Variants in FLACC1 observed in about 807,000 individuals in gnomAD.
FLACC1 encodes flagellum associated containing coiled-coil domains 1.
Under a neutral mutation model 62.8 loss-of-function variants are expected in FLACC1, and 66 were observed. That is an observed-to-expected ratio of 1.05 (90% CI 0.86 to 1.29). FLACC1 has a LOEUF of 1.29. FLACC1 is among the 50% of genes most tolerant of loss of function. FLACC1 has a pLI of 0.00. For synonymous variants in FLACC1, 156 were observed against 161.0 expected, an observed-to-expected ratio of 0.97 and a Z score of 0.24; for missense variants, 452 against 489.1, an observed-to-expected ratio of 0.92 and a Z score of 0.71.
intron 9 of FLACC1, among the ~76,000 whole-genome samples, chr2:201,329,018 G>A (rs1453884582): frequency 6.6e-6 from 1 of 151,984 alleles, no homozygotes; most frequent in Non-Finnish European, 1.5e-5. Context: ...ATTCTCTCCT[G>A]TCCCTTTGTA....
At chr2:201,347,184 C>T (rs1477701332) in intron 4 of FLACC1, among the ~76,000 whole-genome samples, 2 of 152,264 alleles carry the variant, frequency 1.3e-5, no homozygotes, top group African/African-American at 2.4e-5. Context: ...GTCATTTCCT[C>T]CTCCTTTTCC....
At chr2:201,330,704 T>C (rs1310017350) in intron 8 of FLACC1, 32 bp downstream of exon 8, 3 of 1,606,718 alleles carry the variant, frequency 1.9e-6, no homozygotes, top group South Asian at 1.1e-5. Context: ...TGGACCTTCA[T>C]CCAGGGTCAT....
At chr2:201,289,195 G>C (rs974110383) in intron 14 of FLACC1, among the ~76,000 whole-genome samples, 7 of 152,084 alleles carry the variant, frequency 4.6e-5, no homozygotes, top group Non-Finnish European at 1.0e-4. Flanking sequence ...CTCAGAAACT[G>C]GAAGACAAAT....
intron 9 of FLACC1, among the ~76,000 whole-genome samples, chr2:201,310,434 C>T (rs1293081400): frequency 1.3e-5 from 2 of 152,118 alleles, no homozygotes; most frequent in Admixed American, 6.6e-5. Flanking sequence ...AGTGCTAAAA[C>T]CTGGAAAGTC....
chr2:201,356,564 G>C (rs1951121469), intron 1 of FLACC1, among the ~76,000 whole-genome samples: 1 of 152,206 alleles, frequency 6.6e-6, no homozygotes, highest in Non-Finnish European at 1.5e-5. Flanking sequence ...CATCCTTCCA[G>C]AAATGTTGTG....
rs1950508171 is a variant in FLACC1, at chr2:201,326,822, G to A, written c.675+3648C>T. On this transcript the variant is annotated intron_variant, in intron 9 of 14. Transcript: ENST00000392257. This position sits in a 1 kb window ranked among gnomAD's most constrained non-coding sequence, Gnocchi z 4.1. ...TATTTTTCACAGAATTAGAAAAAAA[G>A]TTCTAAAATTCATATGGAACCAAAA... 6.6e-6 allele frequency among the ~76,000 whole-genome samples: 1 copy of A among 152,076 alleles called. No homozygotes were observed. Among genetic ancestry groups the A allele is most frequent in the East Asian group, 1.9e-4 (1 of 5,176 alleles).
chr2:201,297,481 T>C (rs1325230762), intron 12 of FLACC1, among the ~76,000 whole-genome samples: 1 of 152,112 alleles, frequency 6.6e-6, no homozygotes, highest in Non-Finnish European at 1.5e-5. Context: ...TGAGAAGGTG[T>C]GACCAATGAG....
intron 7 of FLACC1, among the ~76,000 whole-genome samples, chr2:201,336,153 T>C (rs1950692766): frequency 6.6e-6 from 1 of 152,128 alleles, no homozygotes; most frequent in Admixed American, 6.5e-5. Flanking sequence ...ACCCTCACTC[T>C]CCTCCCAACC....
chr2:201,312,914 G>A (rs1051793962), intron 9 of FLACC1, among the ~76,000 whole-genome samples: 1 of 152,236 alleles, frequency 6.6e-6, no homozygotes, highest in Non-Finnish European at 1.5e-5. Context: ...GTAGGAAAGG[G>A]GGATTGTCCA....
chr2:201,310,197 G>A (rs1452278438), intron 9 of FLACC1, among the ~76,000 whole-genome samples: 1 of 151,994 alleles, frequency 6.6e-6, no homozygotes, highest in Non-Finnish European at 1.5e-5. Flanking sequence ...ATTCACACCC[G>A]ACCTATTCTA....
chr2:201,313,910 A>G (rs890983186), intron 9 of FLACC1, among the ~76,000 whole-genome samples: 1 of 152,144 alleles, frequency 6.6e-6, no homozygotes, highest in African/African-American at 2.4e-5. Flanking sequence ...AACCCCCAAT[A>G]CCAGCCTGGA....
At chr2:201,348,346 A>C in intron 3 of FLACC1, 44 bp from the exon 4 acceptor site, 1 of 1,600,700 alleles carries the variant, frequency 6.2e-7, no homozygotes, top group South Asian at 1.1e-5. Flanking sequence ...GACAGCAAAG[A>C]GAAGTTCAAA....
At chr2:201,328,607 G>A (rs1178068430) in intron 9 of FLACC1, among the ~76,000 whole-genome samples, 3 of 152,120 alleles carry the variant, frequency 2.0e-5, no homozygotes, top group Non-Finnish European at 4.4e-5. Context: ...CGTATTTTCA[G>A]TAGAGACAGG....
intron 10 of FLACC1, 136 bp from the exon 11 acceptor site, chr2:201,307,758 C>A: frequency 1.4e-6 from 1 of 690,734 alleles, no homozygotes; most frequent in African/African-American, 1.8e-5. Context: ...GGTGTTTGGC[C>A]TCTGACACTC....
At chr2:201,351,062 C>T (rs1451605945) in intron 2 of FLACC1, among the ~76,000 whole-genome samples, 1 of 152,200 alleles carries the variant, frequency 6.6e-6, no homozygotes, top group South Asian at 2.1e-4. Flanking sequence ...TGCACTTTGC[C>T]GTTGCACCAA....
At position 201,346,944 on chromosome 2, in the gene FLACC1, C is replaced by T. The variant is rs571582074; in HGVS notation, c.235-269G>A. 6.6e-6 allele frequency among the ~76,000 whole-genome samples: 1 copy of T among 152,322 alleles called. No individual in the cohort carries two copies. Among genetic ancestry groups the T allele is most frequent in the African/African-American group, 2.4e-5 (1 of 41,570 alleles). Reference sequence around the variant, plus strand: ...TGCCCCTGCCCCCGACTTGTGTTCACCCTCGTGGCCAGAGCCCAGAGGAGG... The same window carrying T: ...TGCCCCTGCCCCCGACTTGTGTTCATCCTCGTGGCCAGAGCCCAGAGGAGG... On this transcript the variant is annotated intron_variant, in intron 4 of 14. Transcript: ENST00000392257. This position sits in a 1 kb window ranked among gnomAD's most constrained non-coding sequence, Gnocchi z 4.0.
intron 10 of FLACC1, among the ~76,000 whole-genome samples, chr2:201,308,731 C>T (rs1396590940): frequency 6.6e-6 from 1 of 152,176 alleles, no homozygotes; most frequent in African/African-American, 2.4e-5. Context: ...AATATAGAAG[C>T]TCTCAGTATA....
intron 10 of FLACC1, among the ~76,000 whole-genome samples, chr2:201,308,638 C>T (rs1173967649): frequency 6.6e-6 from 1 of 152,018 alleles, no homozygotes; most frequent in Non-Finnish European, 1.5e-5. Context: ...CTATAGAATA[C>T]TTTGTATGGT....
chr2:201,307,599 C>A lies in FLACC1; in HGVS notation c.799G>T (p.Glu267Ter), dbSNP rs756462419. The change falls in exon 11 of 15, where the codon GAA becomes TAA. Residue 267 changes from glutamate to a stop codon, truncating the protein, a stop_gained. Coordinates refer to ENST00000392257, the MANE Select transcript of FLACC1 (RefSeq NM_001127391.3). LOFTEE classifies it high-confidence loss of function. Reference sequence around the variant, plus strand: ...TTATCTTCTTCTCCTGACTCCATTTCGAATTTTTTGGTCATCTTTTTTTCT... The same window carrying A: ...TTATCTTCTTCTCCTGACTCCATTTAGAATTTTTTGGTCATCTTTTTTTCT... Reference protein sequence around the residue: ...QQKKKMTKKFEMESGEEDKKI... With the variant: ...QQKKKMTKKF 4 of 1,613,992 alleles carry A rather than the reference C, an allele frequency of 2.5e-6. No homozygotes were observed. The South Asian group carries it at 3.3e-5, about 13-fold the overall frequency.
Sources: allele counts gnomAD v4.1 joint callset (sites outside exome capture counted in the v4.1 genomes callset), GRCh38; gene constraint gnomAD v4.1.1; non-coding constraint Gnocchi (gnomAD v3.1); transcripts MANE v1.5; gene names NCBI Gene and HGNC (gene_info 2026-07-23, HGNC 2026-07-21).